Variants in ST18 observed in about 807,000 individuals in gnomAD.
The protein encoded by ST18 is suppression of tumorigenicity 18 protein.
ST18 carries 50 observed loss-of-function variants against 110.0 expected under a neutral mutation model. That is an observed-to-expected ratio of 0.45 (90% CI 0.36 to 0.58). The LOEUF (loss-of-function observed/expected upper bound fraction) is 0.58, where lower values mean the gene tolerates loss of function less well. Among genes scored for constraint, ST18 ranks in the 20% least tolerant of loss-of-function variants. The pLI, the probability that ST18 is intolerant of heterozygous loss-of-function variation, is 0.00. For missense variants in ST18, 1,306 were observed against 1,280.1 expected (o/e 1.02, Z -0.31); for synonymous variants, 461 against 452.4 (o/e 1.02, Z -0.24).
In ST18 at chr8:52,393,076, G is replaced by A. The variant is rs1404985256; in HGVS notation, c.-465+16252C>T. On this transcript the variant is annotated intron_variant, in intron 2 of 25. Transcript: ENST00000689386. ...GGTTCCCTGCCTCCAGACCCTATTCGCCTGCTTCAATATGGAATTCACTTT... is the reference window on the plus strand; with the variant it reads ...GGTTCCCTGCCTCCAGACCCTATTCACCTGCTTCAATATGGAATTCACTTT... Among the ~76,000 whole-genome samples the A allele has an allele frequency of 5.9e-5, 9 of 152,184 alleles. No individual in the cohort carries two copies. The East Asian group carries it at 9.7e-4, about 16-fold the overall frequency.
intron 2 of ST18, among the ~76,000 whole-genome samples, chr8:52,344,260 A>G (rs371690282): frequency 6.7e-6 from 1 of 148,390 alleles, no homozygotes; most frequent in East Asian, 2.0e-4. Context: ...TTATTTTTTC[A>G]AAACTAATAC....
Position 52,137,420 on chromosome 8 carries a change from C to T in ST18, c.2231+1G>A. Reference sequence around the variant, plus strand: ...TGACTGCACATGAGGTCATTGGGTACCTGCGATGAGATGCATAGTTTCCTG... The same window carrying T: ...TGACTGCACATGAGGTCATTGGGTATCTGCGATGAGATGCATAGTTTCCTG... On this transcript the variant is annotated splice_donor_variant, in intron 18 of 25. Coordinates refer to ENST00000689386, the MANE Select transcript of ST18 (RefSeq NM_001352837.2). LOFTEE classifies it high-confidence loss of function. 6.2e-7 allele frequency: 1 copy of T among 1,614,034 alleles called. No individual in the cohort carries two copies. The highest frequency in any genetic ancestry group is 8.5e-7 in the Non-Finnish European group (1 of 1,180,004).
chr8:52,187,766 G>C (rs1353381159), intron 8 of ST18, among the ~76,000 whole-genome samples: 1 of 152,074 alleles, frequency 6.6e-6, no homozygotes, highest in Non-Finnish European at 1.5e-5. Context: ...TGTTCTCAAT[G>C]GTATCCGTAT....
At chr8:52,113,954 GTTTTTTTTTTTTTTTTT>G (rs1158213340) in intron 25 of ST18, among the ~76,000 whole-genome samples, 25 of 45,440 alleles carry the variant, frequency 5.5e-4, no homozygotes, top group African/African-American at 1.8e-3. Flanking sequence ...TTCATACCGT[GTTTTTTTTTTTTTTTTT>G]TTTTTTTTTT....
chr8:52,281,647 A>G (rs184481756), intron 2 of ST18, among the ~76,000 whole-genome samples: 1 of 152,340 alleles, frequency 6.6e-6, no homozygotes, highest in East Asian at 1.9e-4. Context: ...TATCCCCTGA[A>G]AAACAAACAA....
rs73580762 is a variant in ST18, at chr8:52,196,863, G to A, written c.86+15216C>T. Among the ~76,000 whole-genome samples, 1,294 of 152,212 alleles carry A rather than the reference G, an allele frequency of 8.5e-3. 17 individuals are homozygous for A. Among genetic ancestry groups the A allele is most frequent in the African/African-American group, 0.03 (1,226 of 41,516 alleles). ...GGTCCCAGGGCCTCCTGGAGGTAAG[G>A]GCTATTTGCTACGTCTTCTAGGCAC... On this transcript the variant is annotated intron_variant, in intron 8 of 25. Coordinates refer to ENST00000689386, the MANE Select transcript of ST18 (RefSeq NM_001352837.2).
intron 2 of ST18, among the ~76,000 whole-genome samples, chr8:52,360,920 C>G (rs557541371): frequency 1.8e-4 from 28 of 152,300 alleles, no homozygotes; most frequent in Non-Finnish European, 3.7e-4. Context: ...TTAGAGCACA[C>G]AAATTTGAGT....
rs865956353 is a variant in ST18, at chr8:52,149,753, C to T, written c.2031G>A (p.Gly677=). 1.2e-6 allele frequency: 2 copies of T among 1,614,046 alleles called. No individual in the cohort carries two copies. Among genetic ancestry groups the T allele is most frequent in the Non-Finnish European group, 1.7e-6 (2 of 1,179,968 alleles). The change falls in exon 16 of 26, where the codon GGG becomes GGA. Residue 677 remains glycine (G), a synonymous_variant. Transcript: ENST00000689386. ...DTPINYSKTH[G]KTEEEKEKDP... is the part of the protein sequence containing the mutation. Reference sequence around the variant, plus strand: ...ATACCTCTTTCTCCTCCTCTGTCTTCCCGTGAGTTTTGCTATAGTTGATAG... The same window carrying T: ...ATACCTCTTTCTCCTCCTCTGTCTTTCCGTGAGTTTTGCTATAGTTGATAG...
chr8:52,120,785 G>C (rs919158616), intron 23 of ST18, among the ~76,000 whole-genome samples: 2 of 152,192 alleles, frequency 1.3e-5, no homozygotes, highest in Non-Finnish European at 2.9e-5. Context: ...AGACAGAGCA[G>C]AAGCGAGGAG....
At chr8:52,394,430 C>T (rs1178008641) in intron 2 of ST18, among the ~76,000 whole-genome samples, 2 of 152,126 alleles carry the variant, frequency 1.3e-5, no homozygotes, top group Non-Finnish European at 1.5e-5. Flanking sequence ...AAAAAAAAGT[C>T]TTCAAAATCT....
chr8:52,356,186 A>C (rs1822666803), intron 2 of ST18, among the ~76,000 whole-genome samples: 1 of 152,220 alleles, frequency 6.6e-6, no homozygotes, highest in African/African-American at 2.4e-5. Context: ...TCACACAAGC[A>C]GGAACTGAAG....
At chr8:52,329,219 ATGTGTGTGTG>A (rs71252933) in intron 2 of ST18, among the ~76,000 whole-genome samples, 5 of 131,650 alleles carry the variant, frequency 3.8e-5, no homozygotes, top group Admixed American at 7.9e-5. Context: ...GCATGTATTT[ATGTGTGTGTG>A]TGTGTGTGTG....
intron 2 of ST18, among the ~76,000 whole-genome samples, chr8:52,343,789 G>A (rs575862667): frequency 6.6e-6 from 1 of 152,202 alleles, no homozygotes; most frequent in South Asian, 2.1e-4. Flanking sequence ...TTCAAACCCA[G>A]ACAACACATC....
At chr8:52,208,558 G>C (rs1268347180) in intron 8 of ST18, among the ~76,000 whole-genome samples, 1 of 152,246 alleles carries the variant, frequency 6.6e-6, no homozygotes, top group African/African-American at 2.4e-5. Flanking sequence ...TGGGCGCGGT[G>C]GCTCACGCCT....
chr8:52,256,210 T>C (rs990126954), intron 2 of ST18, among the ~76,000 whole-genome samples: 3 of 152,260 alleles, frequency 2.0e-5, no homozygotes, highest in African/African-American at 7.2e-5. Flanking sequence ...TCACTTTCCT[T>C]CCTAGCATGT....
rs888627675 is a variant in ST18, at chr8:52,349,926, C to A, written c.-465+59402G>T. 2.2e-4 allele frequency among the ~76,000 whole-genome samples: 33 copies of A among 152,078 alleles called. 1 individual carries two copies. Among genetic ancestry groups the A allele is most frequent in the Admixed American group, 1.9e-3 (29 of 15,270 alleles). ...GGAAAGCCCCTAGCAGGGGCTGGAGCTTTTGAGATAGGCACACTTGTCCCG... is the reference window on the plus strand; with the variant it reads ...GGAAAGCCCCTAGCAGGGGCTGGAGATTTTGAGATAGGCACACTTGTCCCG... On this transcript the variant is annotated intron_variant, in intron 2 of 25. Coordinates refer to ENST00000689386, the MANE Select transcript of ST18 (RefSeq NM_001352837.2).
At chr8:52,161,330 C>T (rs776871130) in intron 14 of ST18, 45 bp downstream of exon 14, 5 of 1,591,184 alleles carry the variant, frequency 3.1e-6, no homozygotes, top group African/African-American at 1.3e-5. Flanking sequence ...TACACCCATA[C>T]ACAAGAAGCA....
chr8:52,132,318 C>A (rs2049999458), intron 21 of ST18, 139 bp from the exon 22 acceptor site: 2 of 679,718 alleles, frequency 2.9e-6, no homozygotes, highest in African/African-American at 1.8e-5. Flanking sequence ...CATAAACAGG[C>A]TCAGAGCTAC....
chr8:52,401,575 C>T (rs947575332), intron 2 of ST18, among the ~76,000 whole-genome samples: 4 of 151,774 alleles, frequency 2.6e-5, no homozygotes, highest in Non-Finnish European at 4.4e-5. Context: ...CTTTCTTCTG[C>T]TTGATCTAGT....
Sources: allele counts gnomAD v4.1 joint callset (sites outside exome capture counted in the v4.1 genomes callset), GRCh38; gene constraint gnomAD v4.1.1; transcripts MANE v1.5; gene names NCBI Gene and HGNC (gene_info 2026-07-23, HGNC 2026-07-21).